The following SLC22A4 variants were observed in gnomAD, a reference collection of about 807,000 sequenced individuals.
The protein encoded by SLC22A4 is solute carrier family 22 member 4.
In SLC22A4, 39 loss-of-function variants were observed where a neutral mutation model predicts 56.6. That is an observed-to-expected ratio of 0.69 (90% CI 0.53 to 0.90). The LOEUF is 0.90. Among genes scored for constraint, SLC22A4 ranks in the 40% least tolerant of loss-of-function variants. SLC22A4 has a pLI of 0.00. For missense variants in SLC22A4, 594 were observed against 696.5 expected (o/e 0.85, Z 1.66); for synonymous variants, 241 against 281.4 (o/e 0.86, Z 1.44).
intron 2 of SLC22A4, among the ~76,000 whole-genome samples, chr5:132,312,701 T>G (rs1247456175): frequency 6.6e-6 from 1 of 152,208 alleles, no homozygotes; most frequent in African/African-American, 2.4e-5. Context: ...TGCTGTGGCT[T>G]GGACCCTGGG....
At chr5:132,335,140 A>G (rs1033197875) in intron 7 of SLC22A4, among the ~76,000 whole-genome samples, 2 of 152,236 alleles carry the variant, frequency 1.3e-5, no homozygotes, top group African/African-American at 4.8e-5. Flanking sequence ...AGAAGCAGAA[A>G]GCACCAAAGA....
At chr5:132,313,912 G>T in intron 3 of SLC22A4, 144 bp downstream of exon 3, 2 of 904,912 alleles carry the variant, frequency 2.2e-6, no homozygotes, top group South Asian at 2.7e-5. Context: ...ACAGCTCTTG[G>T]AGCAAGTCAG....
intron 8 of SLC22A4, among the ~76,000 whole-genome samples, chr5:132,339,061 A>T (rs1309255617): frequency 6.6e-6 from 1 of 152,192 alleles, no homozygotes; most frequent in Non-Finnish European, 1.5e-5. Flanking sequence ...TAATTTGGGG[A>T]ACTAATAAAT....
At chr5:132,314,825 C>G (rs1293351030) in intron 3 of SLC22A4, among the ~76,000 whole-genome samples, 1 of 152,194 alleles carries the variant, frequency 6.6e-6, no homozygotes, top group African/African-American at 2.4e-5. Flanking sequence ...TAATTATTTG[C>G]GAAGAGCCCC....
chr5:132,332,478 G>A (rs543423640), intron 6 of SLC22A4, among the ~76,000 whole-genome samples: 23 of 152,140 alleles, frequency 1.5e-4, no homozygotes, highest in African/African-American at 5.1e-4. Flanking sequence ...AATGATGTCC[G>A]TGTTGCCTGA....
intron 5 of SLC22A4, among the ~76,000 whole-genome samples, chr5:132,330,644 T>C (rs1246280129): frequency 2.0e-5 from 3 of 152,082 alleles, no homozygotes; most frequent in Non-Finnish European, 4.4e-5. Flanking sequence ...GGGAATTGCT[T>C]GAACCTGGGA....
chr5:132,300,171 A>G (rs1424622888), intron 1 of SLC22A4, among the ~76,000 whole-genome samples: 1 of 152,162 alleles, frequency 6.6e-6, no homozygotes, highest in Non-Finnish European at 1.5e-5. Flanking sequence ...CTTTTTGGTA[A>G]TGATACCTTA....
intron 3 of SLC22A4, among the ~76,000 whole-genome samples, chr5:132,314,221 C>A (rs1750269504): frequency 6.6e-6 from 1 of 152,162 alleles, no homozygotes; most frequent in Non-Finnish European, 1.5e-5. Context: ...GAGTTCAGTG[C>A]CAGCCCGCCA....
chr5:132,295,813 C>G (rs1366405207), intron 1 of SLC22A4, among the ~76,000 whole-genome samples: 2 of 152,264 alleles, frequency 1.3e-5, no homozygotes. Context: ...TGCTATTGGT[C>G]AGGCAGGTAG....
chr5:132,336,351 C>T (rs1240549801), intron 8 of SLC22A4, among the ~76,000 whole-genome samples: 1 of 152,082 alleles, frequency 6.6e-6, no homozygotes, highest in Non-Finnish European at 1.5e-5. Flanking sequence ...TGGTGAAACC[C>T]TGTCTCTACT....
chr5:132,315,556 G>A (rs544805444), intron 3 of SLC22A4, among the ~76,000 whole-genome samples: 9 of 152,254 alleles, frequency 5.9e-5, no homozygotes, highest in South Asian at 2.1e-4. Flanking sequence ...CTCCCCCGCC[G>A]GCTCTGACAC....
Position 132,331,666 on chromosome 5 carries a change from G to C in SLC22A4, c.952-90G>C, listed in dbSNP as rs919916136. On this transcript the variant is annotated intron_variant, in intron 5 of 9. Transcript: ENST00000200652. The stretch of plus-strand genomic sequence containing the variant: ...GCATAGTCAAGGTGAAGTGAGAGTT[G>C]CATGCATAAGTTTTCCCCATGCATC... The C allele has an allele frequency of 6.8e-6, 6 of 882,068 alleles. No individual in the cohort carries two copies. In the East Asian group the frequency reaches 1.4e-4, roughly 21 times the overall value. 54.6% of individuals were successfully genotyped at this position (882,068 alleles called of 1,614,324 possible). A position where few individuals can be genotyped will look rare whatever the true frequency, so the allele number is the denominator to read the frequency against.
chr5:132,314,967 C>G (rs559444806), intron 3 of SLC22A4, among the ~76,000 whole-genome samples: 1 of 152,274 alleles, frequency 6.6e-6, no homozygotes, highest in African/African-American at 2.4e-5. Flanking sequence ...GAGGCTGCTC[C>G]CCTTCCTGCA....
intron 1 of SLC22A4, among the ~76,000 whole-genome samples, chr5:132,301,387 A>G (rs1006616661): frequency 6.6e-6 from 1 of 152,198 alleles, no homozygotes; most frequent in Non-Finnish European, 1.5e-5. Flanking sequence ...GGCTGCTGCC[A>G]CACCGTAGAT....
chr5:132,295,926 G>A (rs1055633898), intron 1 of SLC22A4, among the ~76,000 whole-genome samples: 2 of 152,216 alleles, frequency 1.3e-5, no homozygotes, highest in East Asian at 1.9e-4. Context: ...ACGGTATAGC[G>A]GTCATCAGAC....
intron 5 of SLC22A4, among the ~76,000 whole-genome samples, chr5:132,329,629 C>A (rs1481229290): frequency 1.3e-5 from 2 of 152,142 alleles, no homozygotes; most frequent in Non-Finnish European, 2.9e-5. Flanking sequence ...ATGTTACAGG[C>A]AGTAGCATTA....
At chr5:132,297,746 A>G (rs569612541) in intron 1 of SLC22A4, among the ~76,000 whole-genome samples, 72 of 152,012 alleles carry the variant, frequency 4.7e-4, no homozygotes, top group African/African-American at 1.7e-3. Context: ...GGAGTTCAAG[A>G]CAGCACTGGG....
At chr5:132,304,617 G>A (rs1238210765) in intron 1 of SLC22A4, among the ~76,000 whole-genome samples, 1 of 151,958 alleles carries the variant, frequency 6.6e-6, no homozygotes, top group African/African-American at 2.4e-5. Context: ...ACTTCATCTC[G>A]GAAAAGAAGA....
intron 1 of SLC22A4, among the ~76,000 whole-genome samples, chr5:132,298,078 TG>T (rs1749819258): frequency 6.6e-6 from 1 of 152,184 alleles, no homozygotes; most frequent in African/African-American, 2.4e-5. Flanking sequence ...AATAATGTGG[TG>T]GTCCCTAAAA....
Sources: gnomAD v4.1 joint callset for allele counts (sites outside exome capture counted in the v4.1 genomes callset) on GRCh38, gnomAD v4.1.1 for gene constraint, MANE v1.5 for transcripts, NCBI Gene and HGNC (gene_info 2026-07-23, HGNC 2026-07-21) for gene names.